NAV2: variants seen among roughly 807,000 people sequenced by gnomAD.
NAV2 encodes helicase, APC down-regulated 1.
In NAV2, 54 loss-of-function variants were observed where a neutral mutation model predicts 223.2. The ratio of observed to expected loss-of-function variants is 0.24; its 90% confidence interval spans 0.19 to 0.30. NAV2 has a LOEUF of 0.30. Ranked by LOEUF, NAV2 falls within the 10% of genes least tolerant of loss-of-function variation. The pLI, the probability that NAV2 is intolerant of heterozygous loss-of-function variation, is 1.00. For synonymous variants in NAV2, 1,279 were observed against 1,239.3 expected, an observed-to-expected ratio of 1.03 and a Z score of -0.67; for missense variants, 2,806 against 3,147.5, an observed-to-expected ratio of 0.89 and a Z score of 2.60.
intron 6 of NAV2, among the ~76,000 whole-genome samples, chr11:19,908,829 C>G (rs2043084854): frequency 6.6e-6 from 1 of 151,996 alleles, no homozygotes; most frequent in East Asian, 1.9e-4. Context: ...TCGATAGAGA[C>G]AAAAAATAGA....
At chr11:19,561,076 C>T (rs368266831) in intron 1 of NAV2, among the ~76,000 whole-genome samples, 1 of 152,214 alleles carries the variant, frequency 6.6e-6, no homozygotes, top group African/African-American at 2.4e-5. Context: ...ATACACCTGG[C>T]AAATTCTGGA....
intron 11 of NAV2, among the ~76,000 whole-genome samples, chr11:19,999,623 G>A (rs1331288743): frequency 3.9e-5 from 6 of 152,114 alleles, no homozygotes; most frequent in South Asian, 2.1e-4. Flanking sequence ...AGCCCATCTC[G>A]GCCTCCCAAA....
intron 1 of NAV2, among the ~76,000 whole-genome samples, chr11:19,402,862 G>A (rs1243985544): frequency 1.3e-5 from 2 of 152,226 alleles, no homozygotes; most frequent in Non-Finnish European, 2.9e-5. Flanking sequence ...AGGAGCAGGA[G>A]AGAGTAAGAA....
intron 1 of NAV2, among the ~76,000 whole-genome samples, chr11:19,407,140 T>G (rs911017364): frequency 1.3e-5 from 2 of 152,208 alleles, no homozygotes; most frequent in African/African-American, 4.8e-5. Flanking sequence ...GTGCAAAGAT[T>G]CTTTCTCTGC....
At chr11:19,670,971 T>C (rs2048559253) in intron 1 of NAV2, among the ~76,000 whole-genome samples, 1 of 152,140 alleles carries the variant, frequency 6.6e-6, no homozygotes, top group African/African-American at 2.4e-5. Flanking sequence ...GCCCCTCTCC[T>C]CAAAGCCCCC....
At chr11:19,456,112 A>G (rs1434661551) in intron 1 of NAV2, among the ~76,000 whole-genome samples, 3 of 152,226 alleles carry the variant, frequency 2.0e-5, no homozygotes, top group African/African-American at 7.2e-5. Context: ...TGCTCCCACC[A>G]GCTCCTCCAA....
chr11:19,629,698 A>G (rs552339051), intron 1 of NAV2, among the ~76,000 whole-genome samples: 3 of 152,222 alleles, frequency 2.0e-5, no homozygotes, highest in South Asian at 4.2e-4. Flanking sequence ...GGACAGGGGT[A>G]GGGTGGGGAG....
chr11:20,008,313 G>A (rs2053262607), intron 11 of NAV2, among the ~76,000 whole-genome samples: 1 of 152,164 alleles, frequency 6.6e-6, no homozygotes, highest in South Asian at 2.1e-4. Context: ...AGCCGAGATC[G>A]CACCACTGTA....
At chr11:19,757,365 T>A (rs1315725777) in intron 1 of NAV2, among the ~76,000 whole-genome samples, 1 of 152,142 alleles carries the variant, frequency 6.6e-6, no homozygotes, top group East Asian at 1.9e-4. Flanking sequence ...ATGGCAGAGT[T>A]TCTCCATACT....
chr11:19,722,198 T>C (rs2050798698), intron 1 of NAV2, among the ~76,000 whole-genome samples: 2 of 152,254 alleles, frequency 1.3e-5, no homozygotes, highest in Non-Finnish European at 1.5e-5. Context: ...TTCATGAGAA[T>C]GGTTGCTGAC....
intron 1 of NAV2, among the ~76,000 whole-genome samples, chr11:19,375,307 A>G (rs752756594): frequency 3.3e-5 from 5 of 152,282 alleles, no homozygotes; most frequent in South Asian, 2.1e-4. Context: ...TGCTGCAGAC[A>G]CTCATAAGCA....
At chr11:19,705,520 G>A (rs909567692) in intron 1 of NAV2, among the ~76,000 whole-genome samples, 16 of 152,178 alleles carry the variant, frequency 1.1e-4, no homozygotes, top group Non-Finnish European at 4.4e-5. Flanking sequence ...ATCACTGAAT[G>A]AGGAGCAAGG....
At chr11:19,862,191 G>A (rs946629645) in intron 3 of NAV2, among the ~76,000 whole-genome samples, 1 of 152,196 alleles carries the variant, frequency 6.6e-6, no homozygotes, top group Non-Finnish European at 1.5e-5. Context: ...CTGTAAAGCA[G>A]AGAAACTCTT....
intron 1 of NAV2, among the ~76,000 whole-genome samples, chr11:19,654,857 A>T (rs2048074217): frequency 1.3e-5 from 2 of 152,246 alleles, no homozygotes; most frequent in South Asian, 4.1e-4. Flanking sequence ...TAAAACACCA[A>T]AAGCAATGAC....
chr11:20,039,432 C>CAT, intron 12 of NAV2, among the ~76,000 whole-genome samples: 1 of 152,252 alleles, frequency 6.6e-6, no homozygotes, highest in Admixed American at 6.5e-5. Flanking sequence ...TCTCTCCCTC[C>CAT]CTTCCTCCCT....
chr11:19,726,133 A>G (rs1340899470), intron 1 of NAV2, among the ~76,000 whole-genome samples: 1 of 152,196 alleles, frequency 6.6e-6, no homozygotes, highest in Non-Finnish European at 1.5e-5. Flanking sequence ...AGAAATGGGA[A>G]AGGAAAAATC....
chr11:19,640,474 A>G (rs1367566619), intron 1 of NAV2, among the ~76,000 whole-genome samples: 2 of 151,894 alleles, frequency 1.3e-5, no homozygotes, highest in African/African-American at 4.8e-5. Context: ...TATAATATAT[A>G]CTACTATATC....
At chr11:19,466,951 T>G (rs1285477116) in intron 1 of NAV2, among the ~76,000 whole-genome samples, 2 of 151,910 alleles carry the variant, frequency 1.3e-5, no homozygotes, top group East Asian at 3.9e-4. Context: ...CATGATTCAC[T>G]CTTTCTATCT....
chr11:19,741,123 C>A (rs912294118), intron 1 of NAV2, among the ~76,000 whole-genome samples: 1 of 152,198 alleles, frequency 6.6e-6, no homozygotes, highest in Non-Finnish European at 1.5e-5. Context: ...TTAGCCTCCC[C>A]CTTACAGATT....
Sources: gnomAD v4.1 joint callset for allele counts (sites outside exome capture counted in the v4.1 genomes callset) on GRCh38, gnomAD v4.1.1 for gene constraint, MANE v1.5 for transcripts, NCBI Gene and HGNC (gene_info 2026-07-23, HGNC 2026-07-21) for gene names.